The following SORCS2 variants were observed in gnomAD, a reference collection of about 807,000 sequenced individuals.
The protein encoded by SORCS2 is sortilin related VPS10 domain containing receptor 2, also known as VPS10 domain-containing receptor SorCS2.
A neutral mutation model predicts 141.6 loss-of-function variants in SORCS2; 100 were observed. That is an observed-to-expected ratio of 0.71 (90% CI 0.60 to 0.83). SORCS2 has a LOEUF of 0.83. Ranked by LOEUF, SORCS2 falls within the 40% of genes least tolerant of loss-of-function variation. The pLI is 0.00. For missense variants in SORCS2, 1,646 were observed against 1,560.2 expected, an observed-to-expected ratio of 1.05 and a Z score of -0.93; for synonymous variants, 789 against 676.9, an observed-to-expected ratio of 1.17 and a Z score of -2.57.
intron 1 of SORCS2, among the ~76,000 whole-genome samples, chr4:7,357,607 G>A (rs1000688894): frequency 6.6e-6 from 1 of 152,244 alleles, no homozygotes; most frequent in Non-Finnish European, 1.5e-5. Flanking sequence ...TAACCTGTCA[G>A]AGGCCCAGGC....
rs1365485219 is a variant in SORCS2, at chr4:7,510,633, G to A, written c.549-20897G>A. 3.6e-5 allele frequency among the ~76,000 whole-genome samples: 5 copies of A among 140,188 alleles called. No individual in the cohort carries two copies. In the Admixed American group the frequency reaches 3.6e-4, roughly 10 times the overall value. The allele number at this position is 140,188 out of a possible 152,430, so 92.0% of individuals were successfully genotyped here. A position where few individuals can be genotyped will look rare whatever the true frequency, so the allele number is the denominator to read the frequency against. The stretch of plus-strand genomic sequence containing the variant: ...GTCCAGGAAATGCCACCCCGGGGCC[G>A]GCGCCTTGTTCTGGGTGCGGCATGT... On this transcript the variant is annotated intron_variant, in intron 2 of 26. Coordinates refer to ENST00000507866, the MANE Select transcript of SORCS2 (RefSeq NM_020777.3).
intron 1 of SORCS2, among the ~76,000 whole-genome samples, chr4:7,209,129 G>A (rs1230988808): frequency 1.3e-5 from 2 of 152,234 alleles, no homozygotes; most frequent in Non-Finnish European, 2.9e-5. Context: ...ACACTGAACT[G>A]GCCTTGTTGT....
intron 2 of SORCS2, among the ~76,000 whole-genome samples, chr4:7,418,282 A>G (rs1254948567): frequency 6.6e-6 from 1 of 152,178 alleles, no homozygotes; most frequent in East Asian, 1.9e-4. Flanking sequence ...ATGCCCATTC[A>G]GTGATATGAG....
At chr4:7,643,139 C>T (rs1400655779) in intron 4 of SORCS2, among the ~76,000 whole-genome samples, 1 of 152,190 alleles carries the variant, frequency 6.6e-6, no homozygotes, top group African/African-American at 2.4e-5. Flanking sequence ...CTTTACAATG[C>T]TTCCCTTATC....
At chr4:7,575,153 C>T (rs1170746846) in intron 3 of SORCS2, among the ~76,000 whole-genome samples, 1 of 152,214 alleles carries the variant, frequency 6.6e-6, no homozygotes, top group East Asian at 1.9e-4. Context: ...GCAGCCTGTT[C>T]AGTCCTCAGA....
Position 7,740,868 on chromosome 4 carries a change from T to G in SORCS2, c.*604T>G, listed in dbSNP as rs1190963626. ...TGGCGGTGGTGGGGGTGTCTCACTC[T>G]CTGTCTTTATAGCCGGCGGTAGCCA... On this transcript the variant is annotated 3_prime_UTR_variant, in exon 27 of 27. Transcript: ENST00000507866. The G allele has an allele frequency of 1.8e-5, 7 of 395,484 alleles. No individual in the cohort carries two copies. Among genetic ancestry groups the G allele is most frequent in the Non-Finnish European group, 2.7e-5 (6 of 224,852 alleles). The allele number at this position is 395,484 out of a possible 1,614,324, so 24.5% of individuals were successfully genotyped here.
intron 1 of SORCS2, among the ~76,000 whole-genome samples, chr4:7,260,390 C>A (rs544735962): frequency 1.3e-5 from 2 of 152,362 alleles, no homozygotes; most frequent in East Asian, 3.9e-4. Flanking sequence ...CACCTCCCCC[C>A]TCCCAGGAAT....
intron 1 of SORCS2, among the ~76,000 whole-genome samples, chr4:7,387,556 TATGTACACACGCACACATGCAC>T (rs1723476250): frequency 4.6e-5 from 3 of 65,556 alleles, no homozygotes; most frequent in African/African-American, 1.5e-4. Flanking sequence ...CACATACACA[TATGTACACACGCACACATGCAC>T]ACACATACAG....
chr4:7,513,853 C>T (rs1039838293), intron 2 of SORCS2, among the ~76,000 whole-genome samples: 1 of 152,182 alleles, frequency 6.6e-6, no homozygotes. Flanking sequence ...CTGCCAATTT[C>T]CCCGCCTTTG....
chr4:7,653,690 G>A (rs767890330), intron 4 of SORCS2, among the ~76,000 whole-genome samples: 9 of 152,134 alleles, frequency 5.9e-5, no homozygotes, highest in Non-Finnish European at 7.4e-5. Flanking sequence ...GCCCACCTGC[G>A]CCTGCACTGA....
At chr4:7,439,806 G>C (rs978131690) in intron 2 of SORCS2, among the ~76,000 whole-genome samples, 2 of 152,132 alleles carry the variant, frequency 1.3e-5, no homozygotes, top group Non-Finnish European at 2.9e-5. Context: ...GCTGGCATGG[G>C]GTGGTTTCCA....
chr4:7,713,131 G>A (rs60425287), intron 15 of SORCS2, among the ~76,000 whole-genome samples: 19,971 of 152,114 alleles, frequency 0.13, 1,904 homozygotes, highest in East Asian at 0.29. Flanking sequence ...ATGGAGTCCA[G>A]TATGCTTGGG....
rs966303044 is a variant in SORCS2 at position 7,741,248 on chromosome 4, G to A, written c.*984G>A. 13 of 398,812 alleles carry A rather than the reference G, an allele frequency of 3.3e-5. No individual in the cohort carries two copies. The highest frequency in any genetic ancestry group is 2.5e-4 in the African/African-American group (12 of 48,610). The allele number at this position is 398,812 out of a possible 1,614,324, so 24.7% of individuals were successfully genotyped here. A position where few individuals can be genotyped will look rare whatever the true frequency, so the allele number is the denominator to read the frequency against. The stretch of plus-strand genomic sequence containing the variant: ...AGCTGGGAGAGGCTGAGGATGGCAG[G>A]GCTGGAAGGGCCATCAGCGTGACCC... On this transcript the variant is annotated 3_prime_UTR_variant, in exon 27 of 27. Coordinates refer to ENST00000507866, the MANE Select transcript of SORCS2 (RefSeq NM_020777.3).
intron 1 of SORCS2, among the ~76,000 whole-genome samples, chr4:7,363,202 C>T (rs972989872): frequency 8.6e-6 from 1 of 115,974 alleles, no homozygotes; most frequent in Non-Finnish European, 1.9e-5. Flanking sequence ...TTCACCGTCA[C>T]CACCACCACC....
intron 2 of SORCS2, among the ~76,000 whole-genome samples, chr4:7,527,411 G>T (rs965239906): frequency 6.6e-6 from 1 of 152,208 alleles, no homozygotes; most frequent in Non-Finnish European, 1.5e-5. Flanking sequence ...GGTAGTCGGC[G>T]CTGTGACGGG....
chr4:7,638,288 G>A, intron 3 of SORCS2, 40 bp from the exon 4 acceptor site: 1 of 1,487,350 alleles, frequency 6.7e-7, no homozygotes, highest in Non-Finnish European at 8.9e-7. Context: ...GGGGGAGAGG[G>A]GCACCTGGCC....
intron 1 of SORCS2, among the ~76,000 whole-genome samples, chr4:7,250,452 T>C (rs1713419683): frequency 6.6e-6 from 1 of 152,228 alleles, no homozygotes; most frequent in South Asian, 2.1e-4. Context: ...TCCAGAGACA[T>C]TTCGTTGTGA....
chr4:7,218,248 A>T (rs1451191946), intron 1 of SORCS2, among the ~76,000 whole-genome samples: 1 of 152,190 alleles, frequency 6.6e-6, no homozygotes, highest in African/African-American at 2.4e-5. Flanking sequence ...CTCACCTCCC[A>T]TCCAGGCAGT....
intron 2 of SORCS2, among the ~76,000 whole-genome samples, chr4:7,407,726 G>T (rs1000952793): frequency 7.9e-5 from 12 of 151,844 alleles, no homozygotes; most frequent in Admixed American, 7.9e-4. Flanking sequence ...TTTGTTGCTT[G>T]TTTTCTGTTT....
Sources: gnomAD v4.1 joint callset for allele counts (sites outside exome capture counted in the v4.1 genomes callset) on GRCh38, gnomAD v4.1.1 for gene constraint, MANE v1.5 for transcripts, NCBI Gene and HGNC (gene_info 2026-07-23, HGNC 2026-07-21) for gene names.